The following TCF12 variants were observed in gnomAD, a reference collection of about 807,000 sequenced individuals.
The protein encoded by TCF12 is DNA-binding protein HTF4.
A neutral mutation model predicts 86.0 loss-of-function variants in TCF12; 45 were observed. The ratio of observed to expected loss-of-function variants is 0.52; its 90% CI spans 0.41 to 0.67. The LOEUF is 0.67. Among genes scored for constraint, TCF12 ranks in the 30% least tolerant of loss-of-function variants. TCF12 has a pLI of 0.00. For missense variants in TCF12, 881 were observed against 859.9 expected, an observed-to-expected ratio of 1.02 and a Z score of -0.31; for synonymous variants, 330 against 299.6, an observed-to-expected ratio of 1.10 and a Z score of -1.05.
chr15:57,198,818 A>G (rs560878789), intron 8 of TCF12, among the ~76,000 whole-genome samples: 1 of 152,294 alleles, frequency 6.6e-6, no homozygotes, highest in South Asian at 2.1e-4. Context: ...TATAGACTGA[A>G]TGGAATATCC....
intron 5 of TCF12, among the ~76,000 whole-genome samples, chr15:57,106,746 A>G (rs2050158174): frequency 6.6e-6 from 1 of 152,264 alleles, no homozygotes; most frequent in South Asian, 2.1e-4. Flanking sequence ...CACTGGGTTA[A>G]GAAATGGGCA....
chr15:57,241,116 C>T (rs1199016229), intron 12 of TCF12, among the ~76,000 whole-genome samples: 10 of 149,426 alleles, frequency 6.7e-5, no homozygotes, highest in Non-Finnish European at 1.5e-4. Context: ...TTTTTTCATA[C>T]ACTGTCTTAC....
At chr15:57,215,536 A>G (rs1010765478) in intron 8 of TCF12, among the ~76,000 whole-genome samples, 17 of 152,152 alleles carry the variant, frequency 1.1e-4, no homozygotes, top group African/African-American at 3.4e-4. Flanking sequence ...CTTAGAAATA[A>G]TGTTGAAACT....
At chr15:56,973,484 T>C (rs1031558840) in intron 3 of TCF12, among the ~76,000 whole-genome samples, 1 of 152,046 alleles carries the variant, frequency 6.6e-6, no homozygotes, top group East Asian at 1.9e-4. Flanking sequence ...TAAGAATCTA[T>C]GAGTACATAC....
chr15:57,201,616 A>C (rs1293524627), intron 8 of TCF12, among the ~76,000 whole-genome samples: 4 of 152,178 alleles, frequency 2.6e-5, no homozygotes, highest in African/African-American at 9.7e-5. Context: ...CAGTACAGAT[A>C]TGAGAAGAGA....
At chr15:57,106,373 C>T (rs1309920468) in intron 5 of TCF12, among the ~76,000 whole-genome samples, 1 of 152,184 alleles carries the variant, frequency 6.6e-6, no homozygotes, top group Non-Finnish European at 1.5e-5. Context: ...ATTTTCTGTA[C>T]TAACTGACGC....
chr15:57,062,580 T>C (rs1431861398), intron 3 of TCF12, among the ~76,000 whole-genome samples: 1 of 152,190 alleles, frequency 6.6e-6, no homozygotes, highest in Non-Finnish European at 1.5e-5. Flanking sequence ...CCCCCTTCCC[T>C]GCTTTTTGTT....
At chr15:57,083,200 G>T (rs1377654085) in intron 4 of TCF12, among the ~76,000 whole-genome samples, 2 of 152,120 alleles carry the variant, frequency 1.3e-5, no homozygotes, top group Admixed American at 6.5e-5. Context: ...TTACATAGGG[G>T]TTTAAACTAT....
rs1280709672 is a variant in TCF12, at chr15:57,288,175, G to A, written c.*2030G>A. ...TTCTTACTTTATTTTATTATATTAG[G>A]TAGTAAAAAATGTAGGGTTATTTAC... On this transcript the variant is annotated 3_prime_UTR_variant, in exon 21 of 21. Coordinates refer to ENST00000333725, the MANE Select transcript of TCF12 (RefSeq NM_207037.2). 6.6e-6 allele frequency: 1 copy of A among 152,398 alleles called. No homozygotes were observed. Among genetic ancestry groups the A allele is most frequent in the African/African-American group, 2.4e-5 (1 of 41,372 alleles). The allele number at this position is 152,398 out of a possible 1,614,324, so 9.4% of individuals were successfully genotyped here.
At chr15:57,177,934 GTTTC>G (rs2056072969) in intron 6 of TCF12, among the ~76,000 whole-genome samples, 1 of 151,910 alleles carries the variant, frequency 6.6e-6, no homozygotes, top group East Asian at 1.9e-4. Context: ...TGCATTCATT[GTTTC>G]TTTCTTTCTG....
At chr15:57,205,894 T>G (rs977141468) in intron 8 of TCF12, among the ~76,000 whole-genome samples, 8 of 152,208 alleles carry the variant, frequency 5.3e-5, no homozygotes, top group Admixed American at 3.9e-4. Flanking sequence ...GAGTGAGTCC[T>G]ATGGATCCAG....
At chr15:56,998,710 T>A (rs2063849440) in intron 3 of TCF12, among the ~76,000 whole-genome samples, 1 of 152,146 alleles carries the variant, frequency 6.6e-6, no homozygotes, top group Admixed American at 6.5e-5. Context: ...CTTTATGGAA[T>A]ACTTTACCCA....
chr15:57,192,398 T>G, intron 7 of TCF12, 105 bp downstream of exon 7: 1 of 1,466,924 alleles, frequency 6.8e-7, no homozygotes, highest in Non-Finnish European at 9.2e-7. Flanking sequence ...TCTTTCCGTT[T>G]CTTTGTTTAA....
chr15:57,092,689 T>C (rs1334841004), intron 5 of TCF12, among the ~76,000 whole-genome samples: 2 of 152,214 alleles, frequency 1.3e-5, no homozygotes, highest in African/African-American at 2.4e-5. Flanking sequence ...TTCTTGCTTA[T>C]GCTGGGGCTG....
chr15:56,928,890 G>C (rs536443666), intron 3 of TCF12, among the ~76,000 whole-genome samples: 3 of 152,254 alleles, frequency 2.0e-5, no homozygotes, highest in East Asian at 3.9e-4. Context: ...TGGAGAGAAT[G>C]TTAAGAGTCT....
intron 8 of TCF12, among the ~76,000 whole-genome samples, chr15:57,224,678 G>A (rs1296675687): frequency 1.3e-5 from 2 of 152,020 alleles, no homozygotes; most frequent in Non-Finnish European, 2.9e-5. Flanking sequence ...GGAAGTTTTT[G>A]GAAAGAGATA....
At chr15:57,085,657 C>T (rs1485257254) in intron 4 of TCF12, among the ~76,000 whole-genome samples, 5 of 152,140 alleles carry the variant, frequency 3.3e-5, no homozygotes, top group Non-Finnish European at 7.4e-5. Flanking sequence ...TTAATTTTGG[C>T]AATTTATGAT....
intron 5 of TCF12, among the ~76,000 whole-genome samples, chr15:57,122,098 C>G (rs74016115): frequency 2.0e-5 from 2 of 99,128 alleles, no homozygotes; most frequent in African/African-American, 6.5e-5. Context: ...TTTCCTTGTA[C>G]AAAAAAAAAA....
chr15:57,194,307 A>C (rs2057137178), intron 7 of TCF12, among the ~76,000 whole-genome samples: 1 of 152,190 alleles, frequency 6.6e-6, no homozygotes. Context: ...AACCTCTGTG[A>C]GGTTGTAATG....
Sources: gnomAD v4.1 joint callset for allele counts (sites outside exome capture counted in the v4.1 genomes callset) on GRCh38, gnomAD v4.1.1 for gene constraint, MANE v1.5 for transcripts, NCBI Gene and HGNC (gene_info 2026-07-23, HGNC 2026-07-21) for gene names.